The following ERC2 variants were observed in gnomAD, a reference collection of about 807,000 sequenced individuals.
The protein encoded by ERC2 is ERC protein 2.
In ERC2, 42 loss-of-function variants were observed where a neutral mutation model predicts 114.8. The ratio of observed to expected loss-of-function variants is 0.37; its 90% CI spans 0.29 to 0.47. The LOEUF is 0.47. ERC2 is among the 20% of genes least tolerant of loss of function. The pLI is 0.99. For missense variants in ERC2, 939 were observed against 1,150.7 expected (o/e 0.82, Z 2.66); for synonymous variants, 454 against 425.5 (o/e 1.07, Z -0.82).
chr3:56,328,259 G>T (rs905742913), intron 2 of ERC2, among the ~76,000 whole-genome samples: 1 of 152,088 alleles, frequency 6.6e-6, no homozygotes, highest in African/African-American at 2.4e-5. Flanking sequence ...AGGCTTCCAA[G>T]ACCTCATAGG....
chr3:56,406,151 C>G (rs1288206184), intron 2 of ERC2, among the ~76,000 whole-genome samples: 4 of 152,150 alleles, frequency 2.6e-5, no homozygotes. Flanking sequence ...CATCAGCTTC[C>G]CAAAGTACTG....
intron 17 of ERC2, among the ~76,000 whole-genome samples, chr3:55,523,056 C>T (rs1662211373): frequency 6.6e-6 from 1 of 152,224 alleles, no homozygotes; most frequent in Admixed American, 6.5e-5. Context: ...GGGTTGGCAT[C>T]CAGGACTGAA....
At chr3:55,790,585 C>A (rs573677228) in intron 14 of ERC2, among the ~76,000 whole-genome samples, 2 of 152,134 alleles carry the variant, frequency 1.3e-5, no homozygotes, top group Non-Finnish European at 2.9e-5. Flanking sequence ...CAGATAACAG[C>A]GGAAGGAAAA....
At chr3:56,096,280 G>C (rs1052330202) in intron 6 of ERC2, among the ~76,000 whole-genome samples, 1 of 152,144 alleles carries the variant, frequency 6.6e-6, no homozygotes, top group Admixed American at 6.5e-5. Flanking sequence ...ATCATTAAAA[G>C]CTAATCTCAC....
At chr3:55,835,012 A>T (rs866687413) in intron 14 of ERC2, among the ~76,000 whole-genome samples, 120 of 151,738 alleles carry the variant, frequency 7.9e-4, no homozygotes, top group Middle Eastern at 3.4e-3. Flanking sequence ...GAAATGGATA[A>T]ATTCCTCGAC....
chr3:55,793,525 A>AG (rs1239521008), intron 14 of ERC2, among the ~76,000 whole-genome samples: 1 of 152,320 alleles, frequency 6.6e-6, no homozygotes, highest in South Asian at 2.1e-4. Flanking sequence ...TAAAGTTTAG[A>AG]GGGGCAGTGG....
intron 2 of ERC2, among the ~76,000 whole-genome samples, chr3:56,406,830 G>C (rs1291677014): frequency 6.6e-6 from 1 of 152,156 alleles, no homozygotes; most frequent in African/African-American, 2.4e-5. Flanking sequence ...AGAAAAGTTA[G>C]ATTAATTAGA....
chr3:55,836,963 T>G (rs923873974), intron 14 of ERC2, among the ~76,000 whole-genome samples: 15 of 152,166 alleles, frequency 9.9e-5, no homozygotes, highest in African/African-American at 3.1e-4. Context: ...CAGACATTTC[T>G]CAAAAGAAGA....
At chr3:56,391,398 T>C (rs2060122662) in intron 2 of ERC2, among the ~76,000 whole-genome samples, 1 of 152,156 alleles carries the variant, frequency 6.6e-6, no homozygotes, top group African/African-American at 2.4e-5. Flanking sequence ...AACTTTATAG[T>C]TTATCAATCA....
intron 7 of ERC2, among the ~76,000 whole-genome samples, chr3:56,038,628 G>A (rs145889713): frequency 6.5e-4 from 99 of 152,210 alleles, no homozygotes; most frequent in Middle Eastern, 3.4e-3. Flanking sequence ...AAATATATAC[G>A]CATGTGTATG....
intron 10 of ERC2, among the ~76,000 whole-genome samples, chr3:55,999,604 GAAAAT>G (rs1366095594): frequency 1.3e-5 from 2 of 151,404 alleles, no homozygotes; most frequent in African/African-American, 2.4e-5. Context: ...TAACTGATTA[GAAAAT>G]AAAATAATAA....
chr3:56,137,995 A>C (rs943645422), intron 6 of ERC2, among the ~76,000 whole-genome samples: 4 of 152,156 alleles, frequency 2.6e-5, no homozygotes, highest in Non-Finnish European at 5.9e-5. Flanking sequence ...TTAAAAAATA[A>C]AATACCCATA....
At position 56,221,394 on chromosome 3, in the gene ERC2, C is replaced by CAA. The variant is rs34151708; in HGVS notation, c.1075-47876_1075-47875dup. 3.4e-3 allele frequency among the ~76,000 whole-genome samples: 461 copies of CAA among 135,258 alleles called. 4 individuals are homozygous for CAA. The highest frequency in any genetic ancestry group is 0.014 in the South Asian group (56 of 4,138). The allele number at this position is 135,258 out of a possible 152,430, so 88.7% of individuals were successfully genotyped here. A position where few individuals can be genotyped will look rare whatever the true frequency, so the allele number is the denominator to read the frequency against. ...GAGTCTACAAAAGTTGTCATCTCACCAAAAAAAAAAAAAAAGTAATTCTTG... is the reference window on the plus strand; with the variant it reads ...GAGTCTACAAAAGTTGTCATCTCACCAAAAAAAAAAAAAAAAAGTAATTCTTG... On this transcript the variant is annotated intron_variant, in intron 3 of 17. Transcript: ENST00000288221.
intron 16 of ERC2, among the ~76,000 whole-genome samples, chr3:55,699,021 T>A (rs1017823011): frequency 1.3e-5 from 2 of 152,168 alleles, no homozygotes; most frequent in African/African-American, 4.8e-5. Flanking sequence ...TCAAGGCTTC[T>A]CTGGTTGCCA....
At chr3:56,397,083 T>C (rs528739438) in intron 2 of ERC2, among the ~76,000 whole-genome samples, 2 of 152,286 alleles carry the variant, frequency 1.3e-5, no homozygotes, top group Admixed American at 1.3e-4. Flanking sequence ...CTGTACACAA[T>C]GTTCTAGAGA....
intron 17 of ERC2, among the ~76,000 whole-genome samples, chr3:55,519,327 T>C (rs998310604): frequency 4.6e-5 from 7 of 152,190 alleles, no homozygotes; most frequent in African/African-American, 1.7e-4. Context: ...CTCAGCTCCA[T>C]GAGAAAGGGG....
At chr3:56,274,038 G>T (rs750171820) in intron 3 of ERC2, among the ~76,000 whole-genome samples, 1 of 152,152 alleles carries the variant, frequency 6.6e-6, no homozygotes, top group Non-Finnish European at 1.5e-5. Flanking sequence ...GTTACAGCAG[G>T]GGTATCCAAA....
At chr3:56,022,656 G>A (rs745627131) in intron 7 of ERC2, among the ~76,000 whole-genome samples, 8 of 152,182 alleles carry the variant, frequency 5.3e-5, no homozygotes, top group Non-Finnish European at 1.2e-4. Context: ...GGTTGTGCAA[G>A]GCTCAAATAG....
intron 3 of ERC2, among the ~76,000 whole-genome samples, chr3:56,207,327 C>T (rs2048800937): frequency 6.6e-6 from 1 of 151,860 alleles, no homozygotes; most frequent in African/African-American, 2.4e-5. Flanking sequence ...AATCATAATG[C>T]CCTTACCCAC....
Sources: allele counts gnomAD v4.1 joint callset (sites outside exome capture counted in the v4.1 genomes callset), GRCh38; gene constraint gnomAD v4.1.1; transcripts MANE v1.5; gene names NCBI Gene and HGNC (gene_info 2026-07-23, HGNC 2026-07-21).